The following AGMAT variants were observed in gnomAD, a reference collection of about 807,000 sequenced individuals.
AGMAT encodes agmatinase (putative).
Under a neutral mutation model 29.3 loss-of-function variants are expected in AGMAT, and 37 were observed. The ratio of observed to expected loss-of-function variants is 1.26; its 90% CI spans 0.97 to 1.66. The LOEUF is 1.66. Among genes scored for constraint, AGMAT ranks in the 40% most tolerant of loss-of-function variants. AGMAT has a pLI of 0.00. For missense variants in AGMAT, 498 were observed against 497.8 expected (o/e 1.00, Z 0.00); for synonymous variants, 199 against 200.8 (o/e 0.99, Z 0.08).
chr1:15,583,972 C>T (rs972538619), intron 1 of AGMAT, among the ~76,000 whole-genome samples: 24 of 152,166 alleles, frequency 1.6e-4, no homozygotes, highest in Non-Finnish European at 3.2e-4. Flanking sequence ...TTGAGCATTT[C>T]TTGAGTCAGG....
intron 5 of AGMAT, among the ~76,000 whole-genome samples, chr1:15,576,610 AGT>A (rs1319868908): frequency 6.8e-5 from 10 of 148,120 alleles, no homozygotes; most frequent in South Asian, 6.4e-4. Flanking sequence ...TTGTACTTTT[AGT>A]AGAGACAGGG....
chr1:15,577,959 T>C, intron 4 of AGMAT, 95 bp from the exon 5 acceptor site: 1 of 1,198,944 alleles, frequency 8.3e-7, no homozygotes, highest in South Asian at 1.5e-5. Flanking sequence ...CACATGACAC[T>C]TGACCCTCCA....
At chr1:15,582,478 C>G (rs1639129204) in intron 2 of AGMAT, among the ~76,000 whole-genome samples, 1 of 152,092 alleles carries the variant, frequency 6.6e-6, no homozygotes, top group Non-Finnish European at 1.5e-5. Flanking sequence ...ATCGGGAAAC[C>G]ACACTCCTCC....
chr1:15,572,768 A>G lies in AGMAT; in HGVS notation c.*883T>C, dbSNP rs905671310. The G allele has an allele frequency of 1.3e-5, 2 of 151,534 alleles. No individual in the cohort carries two copies. The highest frequency in any genetic ancestry group is 2.4e-5 in the African/African-American group (1 of 41,202). The allele number at this position is 151,534 out of a possible 1,614,324, so 9.4% of individuals were successfully genotyped here. A position where few individuals can be genotyped will look rare whatever the true frequency, so the allele number is the denominator to read the frequency against. Reference sequence around the variant, plus strand: ...CTTTATACTTTTTACTTACGTTCACAGTGGTCCTAAAACCAAGATGCAGCC... The same window carrying G: ...CTTTATACTTTTTACTTACGTTCACGGTGGTCCTAAAACCAAGATGCAGCC... On this transcript the variant is annotated 3_prime_UTR_variant, in exon 7 of 7. Coordinates refer to ENST00000375826, the MANE Select transcript of AGMAT (RefSeq NM_024758.5).
At chr1:15,573,817 C>T in intron 6 of AGMAT, 93 bp from the exon 7 acceptor site, 2 of 1,130,044 alleles carry the variant, frequency 1.8e-6, no homozygotes, top group Non-Finnish European at 2.6e-6. Flanking sequence ...CCTTGTGCCT[C>T]CTTTTCCAGA....
At chr1:15,574,683 T>A in intron 6 of AGMAT, 74 bp downstream of exon 6, 8 of 1,379,856 alleles carry the variant, frequency 5.8e-6, no homozygotes, top group Non-Finnish European at 8.2e-6. Flanking sequence ...TGGCCCCATT[T>A]TCTACTTATT....
rs33990724 is a variant in AGMAT, at chr1:15,572,352, C to CTTTTTTTTT, written c.*1290_*1298dup. 34 of 43,736 alleles carry CTTTTTTTTT rather than the reference C, an allele frequency of 7.8e-4. 6 individuals carry two copies. Among genetic ancestry groups the CTTTTTTTTT allele is most frequent in the African/African-American group, 3.3e-3 (31 of 9,522 alleles). The allele number at this position is 43,736 out of a possible 1,614,324, so 2.7% of individuals were successfully genotyped here. On this transcript the variant is annotated 3_prime_UTR_variant, in exon 7 of 7. Coordinates refer to ENST00000375826, the MANE Select transcript of AGMAT (RefSeq NM_024758.5). ...GGCGTGAGCCACTGGGTCCGGCCTGCTTTTTTTTTTTTTTTTTTTTTTTTG... is the reference window on the plus strand; with the variant it reads ...GGCGTGAGCCACTGGGTCCGGCCTGCTTTTTTTTTTTTTTTTTTTTTTTTTTTTTTTTTG...
At position 15,583,364 on chromosome 1, in the gene AGMAT, C is replaced by A; in HGVS notation, c.304G>T (p.Val102Leu). The A allele has an allele frequency of 6.2e-7, 1 of 1,614,066 alleles. No homozygotes were observed. Among genetic ancestry groups the A allele is most frequent in the Non-Finnish European group, 8.5e-7 (1 of 1,180,000 alleles). Residue 102 changes from valine (V) to leucine (L), a missense_variant, in exon 2 of 7, where the codon GTG becomes TTG. Physicochemically the swap from Val to Leu is conservative, Grantham distance 32. Coordinates refer to ENST00000375826, the MANE Select transcript of AGMAT (RefSeq NM_024758.5). ...CTAGGATTGACTGTCCCAAGCATCA[C>A]TGATTCTTCCCGGATGCGGCGAGGT... ...FGPRRIREES[V>L]MLGTVNPSTG... is the part of the protein sequence containing the mutation.
chr1:15,576,321 C>A (rs1013781437), intron 5 of AGMAT, among the ~76,000 whole-genome samples: 1 of 151,722 alleles, frequency 6.6e-6, no homozygotes, highest in Non-Finnish European at 1.5e-5. Context: ...TGGTCTCAAA[C>A]TCCCTACCTC....
intron 1 of AGMAT, among the ~76,000 whole-genome samples, chr1:15,584,175 C>T (rs924795610): frequency 6.6e-6 from 1 of 152,218 alleles, no homozygotes; most frequent in Non-Finnish European, 1.5e-5. Flanking sequence ...CGGAGTCTCA[C>T]TCTGTTGCCC....
rs370479079 is a variant in AGMAT, at chr1:15,579,016, G to T, written c.563C>A (p.Thr188Lys). ...TCCTAGGGCCTTGTCGGTCGTGTCC[G>T]TGTGCGCATCCACGTGCAGCAGCCC... is the stretch of plus-strand genomic sequence containing the variant. ...PVGLLHVDAHTDTTDKALGEK... is the reference protein window; with the variant it reads ...PVGLLHVDAHKDTTDKALGEK... Residue 188 changes from threonine (T) to lysine (K), a missense_variant, in exon 4 of 7, where the codon ACG (threonine) becomes AAG (lysine). Thr to Lys is a moderately conservative substitution (Grantham distance 78). Coordinates refer to ENST00000375826, the MANE Select transcript of AGMAT (RefSeq NM_024758.5). 6.2e-7 allele frequency: 1 copy of T among 1,614,082 alleles called. No homozygotes were observed. Among genetic ancestry groups the T allele is most frequent in the African/African-American group, 1.3e-5 (1 of 75,046 alleles).
intron 1 of AGMAT, among the ~76,000 whole-genome samples, chr1:15,583,803 C>T (rs1306013262): frequency 6.6e-6 from 1 of 152,150 alleles, no homozygotes; most frequent in East Asian, 1.9e-4. Context: ...TGCAAAGCAC[C>T]TTGCACTTAG....
chr1:15,583,272 G>T lies in AGMAT; in HGVS notation c.396C>A (p.Tyr132Ter). Residue 132 changes from tyrosine to a stop codon, truncating the protein, a stop_gained, in exon 2 of 7, where the codon TAC becomes TAA. Coordinates refer to ENST00000375826, the MANE Select transcript of AGMAT (RefSeq NM_024758.5). LOFTEE classifies it high-confidence loss of function. The part of the protein sequence containing the change: ...ADLGDVNVNL[Y>*]NLQDSCRRIQ... ...TTCGCCGGCAGCTGTCCTGAAGGTT[G>T]TAAAGATTGACATTCACATCGCCTA... 6.2e-7 allele frequency: 1 copy of T among 1,614,148 alleles called. No homozygotes were observed. The highest frequency in any genetic ancestry group is 1.1e-5 in the South Asian group (1 of 91,084).
chr1:15,573,797 T>C, intron 6 of AGMAT, 73 bp from the exon 7 acceptor site: 1 of 1,329,172 alleles, frequency 7.5e-7, no homozygotes, highest in Non-Finnish European at 1.1e-6. Flanking sequence ...ACTCCTCAGC[T>C]TTCTCTTCCC....
intron 5 of AGMAT, among the ~76,000 whole-genome samples, chr1:15,576,978 C>T (rs1398109804): frequency 2.0e-5 from 3 of 150,008 alleles, no homozygotes; most frequent in Admixed American, 6.7e-5. Context: ...TCTCGATCTC[C>T]TGACCTCGTG....
At chr1:15,582,954 C>T (rs1557598136) in intron 2 of AGMAT, among the ~76,000 whole-genome samples, 1 of 152,202 alleles carries the variant, frequency 6.6e-6, no homozygotes, top group Admixed American at 6.5e-5. Context: ...GCCGAGATTG[C>T]ACCACTGCAC....
chr1:15,579,988 TA>T, intron 3 of AGMAT, 105 bp downstream of exon 3: 1 of 1,044,752 alleles, frequency 9.6e-7, no homozygotes, highest in Non-Finnish European at 1.5e-6. Context: ...AAGCAGCTCA[TA>T]ACCTGAGCCA....
At chr1:15,583,866 T>C (rs1389438210) in intron 1 of AGMAT, among the ~76,000 whole-genome samples, 1 of 152,224 alleles carries the variant, frequency 6.6e-6, no homozygotes, top group African/African-American at 2.4e-5. Flanking sequence ...CGGTCAGATA[T>C]AGTGTTGCTG....
At chr1:15,578,774 C>G (rs1639072377) in intron 4 of AGMAT, 85 bp downstream of exon 4, 1 of 1,447,082 alleles carries the variant, frequency 6.9e-7, no homozygotes, top group South Asian at 1.3e-5. Context: ...AGTAAAGCCC[C>G]CGCTCAATCC....
Sources: allele counts gnomAD v4.1 joint callset (sites outside exome capture counted in the v4.1 genomes callset), GRCh38; gene constraint gnomAD v4.1.1; transcripts MANE v1.5; gene names NCBI Gene and HGNC (gene_info 2026-07-23, HGNC 2026-07-21).